Variants in FMN1 observed in about 807,000 individuals in gnomAD.
FMN1 encodes the protein formin 1, also known as formin-1.
In FMN1, 110 loss-of-function variants were observed where a neutral mutation model predicts 132.4. The observed-to-expected ratio is 0.83, with a 90% confidence interval of 0.71 to 0.97. The LOEUF (loss-of-function observed/expected upper bound fraction) is 0.97. FMN1 is among the 50% of genes least tolerant of loss of function. The probability of loss-of-function intolerance (pLI) is 0.00; values close to 1 mark genes in which losing one functional copy is unlikely to be tolerated. For missense variants in FMN1, 1,792 were observed against 1,705.3 expected (o/e 1.05, Z -0.90); for synonymous variants, 722 against 651.7 (o/e 1.11, Z -1.64).
At chr15:33,187,940 T>C (rs1965943257) in intron 2 of FMN1, among the ~76,000 whole-genome samples, 1 of 152,140 alleles carries the variant, frequency 6.6e-6, no homozygotes, top group Non-Finnish European at 1.5e-5. Flanking sequence ...GAAAATTGAG[T>C]AGTTCTGCTT....
At chr15:32,933,497 A>G (rs1485845459) in intron 9 of FMN1, among the ~76,000 whole-genome samples, 2 of 152,184 alleles carry the variant, frequency 1.3e-5, no homozygotes, top group South Asian at 2.1e-4. Flanking sequence ...TTTGGTATAT[A>G]GTGTTGCTCA....
chr15:33,004,960 G>A (rs2034332791), intron 7 of FMN1, among the ~76,000 whole-genome samples: 1 of 152,100 alleles, frequency 6.6e-6, no homozygotes, highest in African/African-American at 2.4e-5. Flanking sequence ...AACACCGTAT[G>A]TTCTCACTCA....
intron 19 of FMN1, among the ~76,000 whole-genome samples, chr15:32,785,250 T>G (rs2140913852): frequency 8.3e-6 from 1 of 120,962 alleles, no homozygotes; most frequent in African/African-American, 3.2e-5. Context: ...AGAGATGAGG[T>G]TTCACCATGT....
At chr15:33,148,557 G>C (rs1964320365) in intron 4 of FMN1, among the ~76,000 whole-genome samples, 1 of 152,168 alleles carries the variant, frequency 6.6e-6, no homozygotes, top group African/African-American at 2.4e-5. Context: ...CCAGAGGAGG[G>C]TGAGGCCAGG....
intron 6 of FMN1, among the ~76,000 whole-genome samples, chr15:33,027,055 A>G (rs1340367462): frequency 6.6e-6 from 1 of 152,148 alleles, no homozygotes; most frequent in Non-Finnish European, 1.5e-5. Flanking sequence ...ACTAAAGACA[A>G]GAAAGCCTAA....
intron 5 of FMN1, among the ~76,000 whole-genome samples, chr15:33,081,550 T>C (rs2038460538): frequency 6.6e-6 from 1 of 152,166 alleles, no homozygotes; most frequent in African/African-American, 2.4e-5. Context: ...AGCTGTCTAA[T>C]TCTGAGCCTG....
chr15:33,148,472 C>T (rs1964315638), intron 4 of FMN1, among the ~76,000 whole-genome samples: 1 of 152,308 alleles, frequency 6.6e-6, no homozygotes, highest in African/African-American at 2.4e-5. Flanking sequence ...ACCCCGTAGA[C>T]CACAGCCCCT....
At chr15:32,925,860 A>T (rs1174563443) in intron 10 of FMN1, among the ~76,000 whole-genome samples, 3 of 152,218 alleles carry the variant, frequency 2.0e-5, no homozygotes, top group Non-Finnish European at 4.4e-5. Flanking sequence ...CAGGAGTTTG[A>T]GACCAGCCTG....
At chr15:32,924,512 C>T (rs1350912103) in intron 10 of FMN1, among the ~76,000 whole-genome samples, 3 of 152,170 alleles carry the variant, frequency 2.0e-5, no homozygotes, top group Admixed American at 6.5e-5. Flanking sequence ...GAACTGAAAC[C>T]TAAAGGGCCG....
intron 16 of FMN1, among the ~76,000 whole-genome samples, chr15:32,882,940 C>T (rs481430): frequency 0.27 from 40,977 of 152,146 alleles, 5,875 homozygotes; most frequent in African/African-American, 0.36. Flanking sequence ...TACATTGATT[C>T]CTGACAGAAC....
At chr15:32,972,605 T>G (rs1277055274) in intron 7 of FMN1, among the ~76,000 whole-genome samples, 1 of 152,182 alleles carries the variant, frequency 6.6e-6, no homozygotes, top group East Asian at 1.9e-4. Context: ...CTCCTTTTGT[T>G]CTCCTCCTAC....
At chr15:33,119,648 T>C (rs898393405) in intron 4 of FMN1, among the ~76,000 whole-genome samples, 1 of 152,264 alleles carries the variant, frequency 6.6e-6, no homozygotes, top group Non-Finnish European at 1.5e-5. Context: ...GTGATCACTC[T>C]GTTTTACAAA....
intron 18 of FMN1, among the ~76,000 whole-genome samples, chr15:32,803,208 T>C (rs1438763306): frequency 6.6e-6 from 1 of 152,210 alleles, no homozygotes; most frequent in Non-Finnish European, 1.5e-5. Flanking sequence ...TTTGTAAAGC[T>C]CATTTGTCCT....
intron 7 of FMN1, among the ~76,000 whole-genome samples, chr15:32,983,228 A>C (rs1382742674): frequency 2.6e-5 from 4 of 152,194 alleles, no homozygotes; most frequent in African/African-American, 7.2e-5. Flanking sequence ...ATGAGTCTCA[A>C]ATGCACTCTG....
intron 19 of FMN1, among the ~76,000 whole-genome samples, chr15:32,787,405 C>T (rs1162782163): frequency 2.0e-5 from 3 of 152,218 alleles, no homozygotes; most frequent in African/African-American, 7.2e-5. Flanking sequence ...AGAGTCTGAC[C>T]TTCGGCCCTG....
intron 7 of FMN1, among the ~76,000 whole-genome samples, chr15:33,001,932 G>A (rs988546086): frequency 6.6e-6 from 1 of 152,046 alleles, no homozygotes; most frequent in African/African-American, 2.4e-5. Flanking sequence ...TGGAACTACA[G>A]GGTAAAATAA....
At chr15:32,964,062 C>A in intron 9 of FMN1, 45 bp downstream of exon 9, 1 of 1,282,752 alleles carries the variant, frequency 7.8e-7, no homozygotes, top group East Asian at 2.6e-5. Context: ...TATACCATTT[C>A]CCTGTATAAT....
intron 9 of FMN1, among the ~76,000 whole-genome samples, chr15:32,933,130 T>G (rs188722952): frequency 9.6e-4 from 146 of 152,308 alleles, no homozygotes; most frequent in African/African-American, 3.2e-3. Context: ...AACCTTACTC[T>G]TAGTACTGCT....
intron 6 of FMN1, among the ~76,000 whole-genome samples, chr15:33,058,156 G>A (rs1379651997): frequency 3.6e-5 from 5 of 138,886 alleles, no homozygotes; most frequent in Admixed American, 7.2e-5. Context: ...TGGAGAGGTC[G>A]CTTGGTGGAT....
Sources: allele counts gnomAD v4.1 joint callset (sites outside exome capture counted in the v4.1 genomes callset), GRCh38; gene constraint gnomAD v4.1.1; transcripts MANE v1.5; gene names NCBI Gene and HGNC (gene_info 2026-07-23, HGNC 2026-07-21).